Variants in AGAP1 observed in about 807,000 individuals in gnomAD.
AGAP1 encodes the protein ArfGAP with GTPase domain, ankyrin repeat and PH domain 1.
In AGAP1, 29 loss-of-function variants were observed where a neutral mutation model predicts 105.3. The observed-to-expected ratio is 0.28, with a 90% CI of 0.21 to 0.38. The LOEUF is 0.38. Ranked by LOEUF, AGAP1 falls within the 10% of genes least tolerant of loss-of-function variation. The probability of loss-of-function intolerance (pLI) is 1.00; values close to 1 mark genes in which losing one functional copy is unlikely to be tolerated. For missense variants in AGAP1, 998 were observed against 1,165.1 expected (o/e 0.86, Z 2.09); for synonymous variants, 509 against 485.9 (o/e 1.05, Z -0.63).
intron 10 of AGAP1, among the ~76,000 whole-genome samples, chr2:235,894,269 A>T (rs2050691599): frequency 6.6e-6 from 1 of 152,164 alleles, no homozygotes. Flanking sequence ...AAGAATCCCC[A>T]GTTGGTTGGC....
At chr2:235,870,131 C>T (rs1000918530) in intron 9 of AGAP1, among the ~76,000 whole-genome samples, 1 of 152,204 alleles carries the variant, frequency 6.6e-6, no homozygotes, top group Non-Finnish European at 1.5e-5. Flanking sequence ...CTGCAAAGTA[C>T]CCACAGCCTG....
rs769006111 is a variant in AGAP1, at chr2:236,123,221, A to G, written c.2371-698A>G. On this transcript the variant is annotated intron_variant, in intron 17 of 17. Coordinates refer to ENST00000304032, the MANE Select transcript of AGAP1 (RefSeq NM_001037131.3). This position sits in a 1 kb window ranked among gnomAD's most constrained non-coding sequence, Gnocchi z 4.6. ...CCTGCATAGCTGGGACCACAGGCAT[A>G]TGCCACGTGCCCAGCTAATTTTTTT... is the stretch of plus-strand genomic sequence containing the variant. 6.6e-6 allele frequency among the ~76,000 whole-genome samples: 1 copy of G among 152,112 alleles called. No homozygotes were observed. Among genetic ancestry groups the G allele is most frequent in the Non-Finnish European group, 1.5e-5 (1 of 68,016 alleles).
At chr2:235,771,293 T>G (rs1463496071) in intron 6 of AGAP1, among the ~76,000 whole-genome samples, 1 of 152,194 alleles carries the variant, frequency 6.6e-6, no homozygotes, top group African/African-American at 2.4e-5. Flanking sequence ...CCAGAGGGCT[T>G]CTGCTGGGGA....
intron 9 of AGAP1, among the ~76,000 whole-genome samples, chr2:235,860,244 C>G (rs546585293): frequency 2.8e-4 from 43 of 152,298 alleles, no homozygotes; most frequent in African/African-American, 1.0e-3. Flanking sequence ...TCTGAGCATC[C>G]TAGCACTCAA....
intron 6 of AGAP1, among the ~76,000 whole-genome samples, chr2:235,778,852 C>T (rs1205289900): frequency 1.3e-5 from 2 of 152,192 alleles, no homozygotes; most frequent in African/African-American, 4.8e-5. Context: ...AGCCCGGGCA[C>T]CACATCTTTG....
intron 11 of AGAP1, among the ~76,000 whole-genome samples, chr2:235,911,110 A>G (rs969538503): frequency 5.3e-5 from 8 of 152,234 alleles, no homozygotes; most frequent in Admixed American, 5.2e-4. Flanking sequence ...TGTATTAAAT[A>G]GAATTAATTT....
intron 9 of AGAP1, among the ~76,000 whole-genome samples, chr2:235,815,178 G>T (rs904104773): frequency 6.6e-6 from 1 of 152,148 alleles, no homozygotes; most frequent in Admixed American, 6.5e-5. Flanking sequence ...CCCACACAGC[G>T]CATGAGTCCC....
chr2:236,096,369 T>C lies in AGAP1; in HGVS notation c.2115-23823T>C, dbSNP rs1445782926. ...TACAAAAATTAGCTGGGCATGGTGG[T>C]GTGCACCCATAATCCCAACTACTTG... On this transcript the variant is annotated intron_variant, in intron 16 of 17. Transcript: ENST00000304032. This position sits in a 1 kb window ranked among gnomAD's most constrained non-coding sequence, Gnocchi z 4.4. Among the ~76,000 whole-genome samples the C allele has an allele frequency of 3.3e-5, 5 of 151,640 alleles. No homozygotes were observed. The highest frequency in any genetic ancestry group is 2.6e-4 in the Admixed American group (4 of 15,224).
rs1343472660 is a variant in AGAP1, at chr2:235,700,589, C to T, written c.164-8590C>T. 3.9e-5 allele frequency among the ~76,000 whole-genome samples: 6 copies of T among 152,086 alleles called. No individual in the cohort carries two copies. Among genetic ancestry groups the T allele is most frequent in the African/African-American group, 1.4e-4 (6 of 41,408 alleles). On this transcript the variant is annotated intron_variant, in intron 1 of 17. Transcript: ENST00000304032. This position sits in a 1 kb window ranked among gnomAD's most constrained non-coding sequence, Gnocchi z 6.1. ...CCGAGGCAGGTGGATCATTTGAAGT[C>T]AGGAGTTCCAGACCAGCCTGGGGAA...
rs1450227322 is a variant in AGAP1 at position 235,639,991 on chromosome 2, A to T, written c.164-69188A>T. Among the ~76,000 whole-genome samples the T allele has an allele frequency of 2.0e-5, 3 of 152,166 alleles. No individual in the cohort carries two copies. In the East Asian group the frequency reaches 5.8e-4, roughly 29 times the overall value. ...AGTTTTTGTTTTTCTTGATAGCTGG[A>T]TTTGGGTTATCTCTCAGGAAGCGGT... On this transcript the variant is annotated intron_variant, in intron 1 of 17. Transcript: ENST00000304032. The surrounding 1 kb of genome is among the most constrained non-coding windows in gnomAD (Gnocchi z 5.3).
rs1229495245 is a variant in AGAP1 at position 235,600,417 on chromosome 2, C to A, written c.163+105568C>A. Among the ~76,000 whole-genome samples the A allele has an allele frequency of 6.6e-6, 1 of 152,154 alleles. No individual in the cohort carries two copies. Among genetic ancestry groups the A allele is most frequent in the African/African-American group, 2.4e-5 (1 of 41,424 alleles). Reference sequence around the variant, plus strand: ...TTACCCACCCTCTGCCCTATAGACCCCCATACTCCTGTAGATACCCCCTCA... The same window carrying A: ...TTACCCACCCTCTGCCCTATAGACCACCATACTCCTGTAGATACCCCCTCA... On this transcript the variant is annotated intron_variant, in intron 1 of 17. Transcript: ENST00000304032. This position sits in a 1 kb window ranked among gnomAD's most constrained non-coding sequence, Gnocchi z 4.8.
chr2:235,887,117 A>C lies in AGAP1; in HGVS notation c.1155+3668A>C, dbSNP rs1437222770. ...TTATCTCAGTCTGGAAAATTTCAAA[A>C]GATCGTAGAACCAGATGATCTCAGT... On this transcript the variant is annotated intron_variant, in intron 10 of 17. Coordinates refer to ENST00000304032, the MANE Select transcript of AGAP1 (RefSeq NM_001037131.3). This position sits in a 1 kb window ranked among gnomAD's most constrained non-coding sequence, Gnocchi z 4.1. 6.6e-6 allele frequency among the ~76,000 whole-genome samples: 1 copy of C among 152,206 alleles called. No individual in the cohort carries two copies. Among genetic ancestry groups the C allele is most frequent in the Non-Finnish European group, 1.5e-5 (1 of 68,028 alleles).
Position 235,875,857 on chromosome 2 carries a change from C to T in AGAP1, c.1051-7488C>T, listed in dbSNP as rs1192592580. The stretch of plus-strand genomic sequence containing the variant: ...TACATTATAATTGCACTAGGGACTT[C>T]TAAATTTTTATTCAATGGGTAAATG... On this transcript the variant is annotated intron_variant, in intron 9 of 17. Transcript: ENST00000304032. The surrounding 1 kb of genome is among the most constrained non-coding windows in gnomAD (Gnocchi z 4.0). Among the ~76,000 whole-genome samples, 9 of 152,172 alleles carry T rather than the reference C, an allele frequency of 5.9e-5. No homozygotes were observed. Among genetic ancestry groups the T allele is most frequent in the Non-Finnish European group, 8.8e-5 (6 of 68,038 alleles).
At chr2:235,495,183 C>G (rs919649695) in intron 1 of AGAP1, among the ~76,000 whole-genome samples, 32 of 152,180 alleles carry the variant, frequency 2.1e-4, no homozygotes, top group African/African-American at 7.7e-4. Flanking sequence ...CCGGCGGGGT[C>G]GGCGCCACCC....
intron 1 of AGAP1, among the ~76,000 whole-genome samples, chr2:235,544,397 T>C (rs1943556661): frequency 6.6e-6 from 1 of 152,308 alleles, no homozygotes; most frequent in Non-Finnish European, 1.5e-5. Flanking sequence ...TGTAGGAGTT[T>C]CCTACCATGT....
intron 6 of AGAP1, among the ~76,000 whole-genome samples, chr2:235,776,791 C>T (rs1955902758): frequency 6.6e-6 from 1 of 152,214 alleles, no homozygotes; most frequent in South Asian, 2.1e-4. Context: ...GCCTCAAAGC[C>T]TTGCTCTGAG....
chr2:235,956,075 GTC>G (rs1200180988), intron 12 of AGAP1, among the ~76,000 whole-genome samples: 1 of 152,172 alleles, frequency 6.6e-6, no homozygotes, highest in African/African-American at 2.4e-5. Flanking sequence ...GACGCATTCA[GTC>G]TCTCCCCAGC....
In AGAP1 at chr2:235,716,840, C is replaced by T. The variant is rs1417966429; in HGVS notation, c.223-717C>T. ...AGAATCCCCTGGAAAGTCAGCCTTG[C>T]CGCCAGGTTACTGCTAGGACAGAGG... On this transcript the variant is annotated intron_variant, in intron 2 of 17. Transcript: ENST00000304032. The surrounding 1 kb of genome is among the most constrained non-coding windows in gnomAD (Gnocchi z 4.0). 1.3e-5 allele frequency among the ~76,000 whole-genome samples: 2 copies of T among 152,088 alleles called. No individual in the cohort carries two copies. The highest frequency in any genetic ancestry group is 4.8e-5 in the African/African-American group (2 of 41,422).
Position 235,723,709 on chromosome 2 carries a change from C to T in AGAP1, c.310+6065C>T, listed in dbSNP as rs567909516. 5.2e-4 allele frequency among the ~76,000 whole-genome samples: 79 copies of T among 152,294 alleles called. No individual in the cohort carries two copies. Among genetic ancestry groups the T allele is most frequent in the African/African-American group, 1.4e-3 (60 of 41,570 alleles). ...ACCTGAGGAGGGCAGAAAGGTGGCCCCACAAGCTTCCCAAGATGAAACTAA... is the reference window on the plus strand; with the variant it reads ...ACCTGAGGAGGGCAGAAAGGTGGCCTCACAAGCTTCCCAAGATGAAACTAA... On this transcript the variant is annotated intron_variant, in intron 3 of 17. Coordinates refer to ENST00000304032, the MANE Select transcript of AGAP1 (RefSeq NM_001037131.3). This position sits in a 1 kb window ranked among gnomAD's most constrained non-coding sequence, Gnocchi z 6.2.
Sources: gnomAD v4.1 joint callset for allele counts (sites outside exome capture counted in the v4.1 genomes callset) on GRCh38, gnomAD v4.1.1 for gene constraint, Gnocchi (gnomAD v3.1) non-coding constraint, MANE v1.5 for transcripts, NCBI Gene and HGNC (gene_info 2026-07-23, HGNC 2026-07-21) for gene names.